Variants in ZNF805 observed in about 807,000 individuals in gnomAD.
The protein encoded by ZNF805 is CTC-444N24.8.
ZNF805 carries 7 observed loss-of-function variants against 13.6 expected under a neutral mutation model. That is an observed-to-expected ratio of 0.51 (90% CI 0.29 to 0.97). The LOEUF (loss-of-function observed/expected upper bound fraction) is 0.97, where lower values mean the gene tolerates loss of function less well. Ranked by LOEUF, ZNF805 falls within the 50% of genes least tolerant of loss-of-function variation. ZNF805 has a pLI of 0.08. For missense variants in ZNF805, 604 were observed against 771.0 expected, an observed-to-expected ratio of 0.78 and a Z score of 2.57; for synonymous variants, 293 against 279.8, an observed-to-expected ratio of 1.05 and a Z score of -0.47.
intron 3 of ZNF805, among the ~76,000 whole-genome samples, chr19:57,252,206 A>G (rs1459823796): frequency 6.6e-6 from 1 of 152,146 alleles, no homozygotes; most frequent in Non-Finnish European, 1.5e-5. Context: ...TTCACTGGGT[A>G]CCTTCTATTG....
chr19:57,245,593 C>T (rs1330033542), intron 2 of ZNF805, among the ~76,000 whole-genome samples: 3 of 148,236 alleles, frequency 2.0e-5, no homozygotes, highest in Non-Finnish European at 4.5e-5. Context: ...TCCTGGCTAA[C>T]ACGGTGCAAC....
chr19:57,244,115 G>A, intron 2 of ZNF805, 66 bp downstream of exon 2: 1 of 1,561,016 alleles, frequency 6.4e-7, no homozygotes, highest in Non-Finnish European at 8.7e-7. Flanking sequence ...TCTGACTCCA[G>A]GCCTGATGGG....
In ZNF805 at chr19:57,257,499, G is replaced by A. The variant is rs1231967217; in HGVS notation, c.*2796G>A. ...GGTGTATTGACCCTTTTATAATTAA[G>A]TAATGTCCCTTTTTGTTCCTGTTAA... On this transcript the variant is annotated 3_prime_UTR_variant, in exon 4 of 4. Coordinates refer to ENST00000414468, the MANE Select transcript of ZNF805 (RefSeq NM_001023563.4). 2.0e-5 allele frequency among the ~76,000 whole-genome samples: 3 copies of A among 151,256 alleles called. No individual in the cohort carries two copies. The highest frequency in any genetic ancestry group is 1.3e-4 in the Admixed American group (2 of 15,048).
At chr19:57,243,504 G>C (rs1364715876) in intron 1 of ZNF805, among the ~76,000 whole-genome samples, 1 of 152,200 alleles carries the variant, frequency 6.6e-6, no homozygotes, top group Non-Finnish European at 1.5e-5. Context: ...ATTCAAACTT[G>C]AGAAGTCTGA....
rs2087712950 is a variant in ZNF805, at chr19:57,259,769, G to C, written c.*5066G>C. On this transcript the variant is annotated 3_prime_UTR_variant, in exon 4 of 4. Coordinates refer to ENST00000414468, the MANE Select transcript of ZNF805 (RefSeq NM_001023563.4). ...GATCCACCTGCCTCGGCCTCCCGAAGTGCTGGGATTACAGGTGTGAGCCAC... is the reference window on the plus strand; with the variant it reads ...GATCCACCTGCCTCGGCCTCCCGAACTGCTGGGATTACAGGTGTGAGCCAC... Among the ~76,000 whole-genome samples the C allele has an allele frequency of 6.6e-6, 1 of 152,226 alleles. No individual in the cohort carries two copies. The highest frequency in any genetic ancestry group is 1.5e-5 in the Non-Finnish European group (1 of 68,038).
chr19:57,253,654 C>T lies in ZNF805; in HGVS notation c.835C>T (p.Arg279Trp). Reference protein sequence around the residue: ...NRKSHLTQHQRIHSGEKPYKC... With the variant: ...NRKSHLTQHQWIHSGEKPYKC... ...GAAGTCACACCTTACCCAGCACCAG[C>T]GGATTCACAGTGGAGAGAAGCCTTA... Residue 279 changes from arginine (R) to tryptophan (W), a missense_variant, in exon 4 of 4, where the codon CGG becomes TGG. Coordinates refer to ENST00000414468, the MANE Select transcript of ZNF805 (RefSeq NM_001023563.4). The surrounding 1 kb of genome is among the most constrained non-coding windows in gnomAD (Gnocchi z 4.4). The T allele has an allele frequency of 1.9e-6, 3 of 1,613,776 alleles. No individual in the cohort carries two copies. Among genetic ancestry groups the T allele is most frequent in the African/African-American group, 2.7e-5 (2 of 74,908 alleles).
chr19:57,241,912 G>C (rs1169218686), intron 1 of ZNF805, among the ~76,000 whole-genome samples: 1 of 152,182 alleles, frequency 6.6e-6, no homozygotes, highest in East Asian at 1.9e-4. Context: ...TTGGTCTAGC[G>C]TTTTTGTATA....
chr19:57,250,476 C>T (rs1326122517), intron 3 of ZNF805, among the ~76,000 whole-genome samples: 3 of 152,222 alleles, frequency 2.0e-5, no homozygotes, highest in Admixed American at 2.0e-4. Context: ...AGGTGATCTG[C>T]CCGCCTCGGC....
Position 57,255,286 on chromosome 19 carries a change from A to G in ZNF805, c.*583A>G, listed in dbSNP as rs2087681101. On this transcript the variant is annotated 3_prime_UTR_variant, in exon 4 of 4. Coordinates refer to ENST00000414468, the MANE Select transcript of ZNF805 (RefSeq NM_001023563.4). Reference sequence around the variant, plus strand: ...CTATAGCTGTATGGTAAATCTCAAAATTAGGTAATGTGATTTCTTTTTTCT... The same window carrying G: ...CTATAGCTGTATGGTAAATCTCAAAGTTAGGTAATGTGATTTCTTTTTTCT... Among the ~76,000 whole-genome samples, 1 of 152,144 alleles carries G rather than the reference A, an allele frequency of 6.6e-6. No homozygotes were observed. Among genetic ancestry groups the G allele is most frequent in the Non-Finnish European group, 1.5e-5 (1 of 68,014 alleles).
chr19:57,247,581 G>C (rs904984428), intron 2 of ZNF805, among the ~76,000 whole-genome samples: 2 of 152,184 alleles, frequency 1.3e-5, no homozygotes, highest in African/African-American at 4.8e-5. Flanking sequence ...TTATGAAAAG[G>C]CTCAGAACAG....
intron 1 of ZNF805, 49 bp downstream of exon 1, chr19:57,240,970 A>G: frequency 1.3e-6 from 2 of 1,548,190 alleles, no homozygotes; most frequent in Non-Finnish European, 1.7e-6. Context: ...AGTTCGGGGA[A>G]GCCTCCTGGG....
rs937368388 is a variant in ZNF805 at position 57,256,568 on chromosome 19, G to A, written c.*1865G>A. 6.6e-6 allele frequency among the ~76,000 whole-genome samples: 1 copy of A among 152,084 alleles called. No homozygotes were observed. Among genetic ancestry groups the A allele is most frequent in the African/African-American group, 2.4e-5 (1 of 41,436 alleles). On this transcript the variant is annotated 3_prime_UTR_variant, in exon 4 of 4. Transcript: ENST00000414468. ...AATTTTTATAGATTTTCTTAAGGAA[G>A]TGTTCATTTTATGTAAATGTTCTAA... is the stretch of plus-strand genomic sequence containing the variant.
chr19:57,251,530 A>C (rs1429889656), intron 3 of ZNF805, among the ~76,000 whole-genome samples: 1 of 151,898 alleles, frequency 6.6e-6, no homozygotes, highest in Non-Finnish European at 1.5e-5. Context: ...TTTATCAGTT[A>C]CATTTGCTGC....
rs1338216424 is a variant in ZNF805 at position 57,260,937 on chromosome 19, T to A, written c.*6234T>A. 6.6e-6 allele frequency among the ~76,000 whole-genome samples: 1 copy of A among 152,232 alleles called. No homozygotes were observed. Among genetic ancestry groups the A allele is most frequent in the Admixed American group, 6.5e-5 (1 of 15,286 alleles). ...AATGTTTTACATGCGTCAGCTCTTT[T>A]AACCTTTATGACAACTCCATAATGT... On this transcript the variant is annotated 3_prime_UTR_variant, in exon 4 of 4. Transcript: ENST00000414468.
intron 3 of ZNF805, 90 bp from the exon 4 acceptor site, chr19:57,252,983 A>G (rs963411184): frequency 5.0e-6 from 6 of 1,211,690 alleles, no homozygotes; most frequent in Non-Finnish European, 6.5e-6. Flanking sequence ...GGCACCATTT[A>G]TAACTTCATT....
rs1023310280 is a variant in ZNF805, at chr19:57,261,475, T to C, written c.*6772T>C. 6.0e-6 allele frequency: 1 copy of C among 167,082 alleles called. No individual in the cohort carries two copies. The highest frequency in any genetic ancestry group is 1.5e-5 in the Non-Finnish European group (1 of 68,120). The allele number at this position is 167,082 out of a possible 1,614,324, so 10.3% of individuals were successfully genotyped here. ...GTGGCCATTTCTTTTTCCTTTATCA[T>C]TCCCACGTCCGGCCACTGCCCCATT... On this transcript the variant is annotated 3_prime_UTR_variant, in exon 4 of 4. Transcript: ENST00000414468.
At position 57,248,579 on chromosome 19, in the gene ZNF805, T is replaced by C. The variant is rs760835339; in HGVS notation, c.158-26T>C. 5 of 1,536,990 alleles carry C rather than the reference T, an allele frequency of 3.3e-6. No individual in the cohort carries two copies. In the African/African-American group the frequency reaches 5.4e-5, roughly 17 times the overall value. On this transcript the variant is annotated intron_variant, in intron 2 of 3. Coordinates refer to ENST00000414468, the MANE Select transcript of ZNF805 (RefSeq NM_001023563.4). Reference sequence around the variant, plus strand: ...TTATTTCTTTTCACCCACATCCATGTGTCCACTTGCTTTCTCCATAAACAG... The same window carrying C: ...TTATTTCTTTTCACCCACATCCATGCGTCCACTTGCTTTCTCCATAAACAG...
chr19:57,252,525 G>A (rs895251804), intron 3 of ZNF805, among the ~76,000 whole-genome samples: 1 of 152,214 alleles, frequency 6.6e-6, no homozygotes, highest in African/African-American at 2.4e-5. Flanking sequence ...AGCATTGAGT[G>A]TAAAATATGT....
At chr19:57,244,238 C>T (rs2087597660) in intron 2 of ZNF805, among the ~76,000 whole-genome samples, 189 bp downstream of exon 2, 1 of 116,862 alleles carries the variant, frequency 8.6e-6, no homozygotes, top group Non-Finnish European at 1.6e-5. Flanking sequence ...GAGTCTTACT[C>T]TGTCACCCAG....
Sources: allele counts gnomAD v4.1 joint callset (sites outside exome capture counted in the v4.1 genomes callset), GRCh38; gene constraint gnomAD v4.1.1; non-coding constraint Gnocchi (gnomAD v3.1); transcripts MANE v1.5; gene names NCBI Gene and HGNC (gene_info 2026-07-23, HGNC 2026-07-21).